SPMIP11: variants seen among roughly 807,000 people sequenced by gnomAD.
SPMIP11 encodes sperm microtubule inner protein 11.
At chr12:48,771,154 C>T in the SPMIP11 span, 1 of 626,160 alleles carries the variant, frequency 1.6e-6, no homozygotes, top group Non-Finnish European at 2.8e-6. The surrounding 1 kb of genome is among the most constrained non-coding windows in gnomAD (Gnocchi z 4.3). Flanking sequence ...GGACTCCAGG[C>T]AGGACTTGGG....
At chr12:48,728,698 ACT>A in the SPMIP11 span, among the ~76,000 whole-genome samples, 1 of 128,224 alleles carries the variant, frequency 7.8e-6, no homozygotes, top group Non-Finnish European at 1.6e-5. Flanking sequence ...ACAGAGCGAG[ACT>A]CTGTCTCAAA....
chr12:48,737,454 ACCC>A, the SPMIP11 span, among the ~76,000 whole-genome samples: 1 of 143,296 alleles, frequency 7.0e-6, no homozygotes, highest in East Asian at 2.1e-4. Context: ...CACTCTTATC[ACCC>A]AGGCAGGAGT....
the SPMIP11 span, chr12:48,764,990 G>A: frequency 5.7e-6 from 4 of 702,670 alleles, no homozygotes; most frequent in Non-Finnish European, 1.0e-5. Context: ...AAAGCGCGAT[G>A]ACCAGGTTAG....
the SPMIP11 span, among the ~76,000 whole-genome samples, chr12:48,770,043 G>A: frequency 6.6e-6 from 1 of 150,710 alleles, no homozygotes; most frequent in African/African-American, 2.4e-5. Context: ...TTACAGGCGT[G>A]AGCCACTGCG....
chr12:48,768,704 G>T, the SPMIP11 span: 1 of 1,614,080 alleles, frequency 6.2e-7, no homozygotes, highest in Non-Finnish European at 8.5e-7. Context: ...ACCTGGTACA[G>T]GTCCGTGGTC....
At chr12:48,753,452 T>C in the SPMIP11 span, among the ~76,000 whole-genome samples, 1 of 152,156 alleles carries the variant, frequency 6.6e-6, no homozygotes, top group Non-Finnish European at 1.5e-5. Context: ...GGCTCAACCT[T>C]GAGTTTCTGG....
chr12:48,757,328 C>T, the SPMIP11 span, among the ~76,000 whole-genome samples: 1 of 151,972 alleles, frequency 6.6e-6, no homozygotes, highest in Non-Finnish European at 1.5e-5. Context: ...CAAATCTAGC[C>T]TATTTAAGCA....
chr12:48,753,692 C>CTTTCTTTTTTTTTTT, the SPMIP11 span, among the ~76,000 whole-genome samples: 8 of 118,820 alleles, frequency 6.7e-5, no homozygotes, highest in African/African-American at 2.5e-4. Flanking sequence ...TTTTTTTTTT[C>CTTTCTTTTTTTTTTT]TTTTTTTTTT....
chr12:48,737,392 G>C, the SPMIP11 span, among the ~76,000 whole-genome samples: 6 of 151,058 alleles, frequency 4.0e-5, no homozygotes, highest in African/African-American at 1.5e-4. Context: ...TTCCATTTCT[G>C]AGAAATTTTA....
At chr12:48,758,448 GCTTC>G in the SPMIP11 span, among the ~76,000 whole-genome samples, 1 of 152,212 alleles carries the variant, frequency 6.6e-6, no homozygotes, top group Non-Finnish European at 1.5e-5. Context: ...TATGGCCACT[GCTTC>G]CTTGCAACCT....
chr12:48,732,206 C>A, the SPMIP11 span, among the ~76,000 whole-genome samples: 1 of 150,990 alleles, frequency 6.6e-6, no homozygotes, highest in East Asian at 1.9e-4. Flanking sequence ...GTTGAAAACT[C>A]AATATAGGAG....
the SPMIP11 span, among the ~76,000 whole-genome samples, chr12:48,736,455 A>G: frequency 6.7e-6 from 1 of 149,490 alleles, no homozygotes; most frequent in African/African-American, 2.5e-5. Flanking sequence ...TCATGTTTTC[A>G]TTTGTTGGTT....
the SPMIP11 span, among the ~76,000 whole-genome samples, chr12:48,733,741 T>C: frequency 6.6e-6 from 1 of 150,598 alleles, no homozygotes; most frequent in Non-Finnish European, 1.5e-5. Flanking sequence ...AAGAGGGGAC[T>C]ACTGTATGTG....
the SPMIP11 span, among the ~76,000 whole-genome samples, chr12:48,751,650 T>A: frequency 6.6e-6 from 1 of 152,132 alleles, no homozygotes; most frequent in African/African-American, 2.4e-5. Flanking sequence ...GATGTTCAAA[T>A]TCAGGAGGCT....
chr12:48,769,039 C>T, the SPMIP11 span: 7 of 1,612,990 alleles, frequency 4.3e-6, no homozygotes, highest in Non-Finnish European at 5.1e-6. Flanking sequence ...TGACACCTGC[C>T]ACGACTGGGC....
At chr12:48,740,493 CT>C in the SPMIP11 span, among the ~76,000 whole-genome samples, 1,395 of 138,416 alleles carry the variant, frequency 0.01, 12 homozygotes, top group East Asian at 0.033. Flanking sequence ...AAATGTCTCT[CT>C]TTTTTTTTTT....
At chr12:48,762,047 CTTTTTTTTTTTT>C in the SPMIP11 span, among the ~76,000 whole-genome samples, 51 of 78,188 alleles carry the variant, frequency 6.5e-4, no homozygotes, top group African/African-American at 3.0e-3. Flanking sequence ...TTATAACATT[CTTTTTTTTTTTT>C]TTTTTTTTTT....
chr12:48,759,169 C>T, the SPMIP11 span: 51 of 700,872 alleles, frequency 7.3e-5, no homozygotes, highest in Middle Eastern at 6.9e-4. Context: ...ATCAAATAGT[C>T]ATTTGCCAAG....
At chr12:48,753,891 CAG>C in the SPMIP11 span, among the ~76,000 whole-genome samples, 1 of 151,632 alleles carries the variant, frequency 6.6e-6, no homozygotes, top group African/African-American at 2.4e-5. Context: ...TTAGTAGAGA[CAG>C]GGTTTTGCCA....
Sources: gnomAD v4.1 joint callset for allele counts (sites outside exome capture counted in the v4.1 genomes callset) on GRCh38, gnomAD v4.1.1 for gene constraint, Gnocchi (gnomAD v3.1) non-coding constraint, MANE v1.5 for transcripts, NCBI Gene and HGNC (gene_info 2026-07-23, HGNC 2026-07-21) for gene names.